ZNF676: variants seen among roughly 807,000 people sequenced by gnomAD.
The protein encoded by ZNF676 is zinc finger protein 676.
ZNF676 carries 4 observed loss-of-function variants against 6.0 expected under a neutral mutation model. The ratio of observed to expected loss-of-function variants is 0.67; its 90% confidence interval spans 0.33 to 1.53. The LOEUF (loss-of-function observed/expected upper bound fraction) is 1.53. Among genes scored for constraint, ZNF676 ranks in the 40% most tolerant of loss-of-function variants. The pLI, the probability that ZNF676 is intolerant of heterozygous loss-of-function variation, is 0.06. For missense variants in ZNF676, 644 were observed against 679.7 expected, an observed-to-expected ratio of 0.95 and a Z score of 0.58; for synonymous variants, 198 against 223.1, an observed-to-expected ratio of 0.89 and a Z score of 1.00.
At chr19:22,209,022 T>G (rs1285587808) in intron 1 of ZNF676, among the ~76,000 whole-genome samples, 1 of 152,112 alleles carries the variant, frequency 6.6e-6, no homozygotes, top group African/African-American at 2.4e-5. Flanking sequence ...TCCCAGCACT[T>G]TGGGAGGCCA....
chr19:22,187,408 A>T (rs1599711647), intron 2 of ZNF676, among the ~76,000 whole-genome samples: 1 of 152,334 alleles, frequency 6.6e-6, no homozygotes, highest in East Asian at 1.9e-4. Flanking sequence ...AATGCCCACA[A>T]GAGAAAGCAG....
At chr19:22,208,689 T>A (rs1471044915) in intron 1 of ZNF676, among the ~76,000 whole-genome samples, 1 of 152,200 alleles carries the variant, frequency 6.6e-6, no homozygotes, top group Non-Finnish European at 1.5e-5. Context: ...CACATGTCTG[T>A]AATCCAGCAC....
intron 1 of ZNF676, among the ~76,000 whole-genome samples, chr19:22,209,053 T>C (rs2024103865): frequency 6.6e-6 from 1 of 152,064 alleles, no homozygotes; most frequent in Non-Finnish European, 1.5e-5. Context: ...TCACCTGAAG[T>C]CAGGAGTTCA....
upstream of ZNF676, among the ~76,000 whole-genome samples, chr19:22,217,602 C>A (rs281192): frequency 9.6e-4 from 141 of 147,552 alleles, 2 homozygotes; most frequent in Non-Finnish European, 1.2e-3. Context: ...TTCTTTTTTC[C>A]TTTTTTTTTT....
At chr19:22,249,587 T>C in the ZNF676 span, among the ~76,000 whole-genome samples, 4 of 152,068 alleles carry the variant, frequency 2.6e-5, no homozygotes, top group Non-Finnish European at 5.9e-5. Flanking sequence ...TAATTTTGTA[T>C]TTTTAGTAGA....
the ZNF676 span, among the ~76,000 whole-genome samples, chr19:22,231,517 G>A: frequency 4.1e-5 from 5 of 122,204 alleles, no homozygotes; most frequent in African/African-American, 1.7e-4. Flanking sequence ...AAGACTGATA[G>A]TGGCAAGATG....
At chr19:22,215,041 A>AAG (rs1487030540) in intron 1 of ZNF676, among the ~76,000 whole-genome samples, 1 of 51,758 alleles carries the variant, frequency 1.9e-5, no homozygotes, top group Non-Finnish European at 3.7e-5. Flanking sequence ...ACTCCATCTC[A>AAG]AAAAAAAAAA....
At chr19:22,185,940 A>G (rs2145794583) in intron 2 of ZNF676, among the ~76,000 whole-genome samples, 1 of 152,182 alleles carries the variant, frequency 6.6e-6, no homozygotes, top group African/African-American at 2.4e-5. Flanking sequence ...GAATGGAACC[A>G]AGTAGGAAAA....
the ZNF676 span, among the ~76,000 whole-genome samples, chr19:22,234,518 G>A: frequency 7.9e-5 from 12 of 152,278 alleles, no homozygotes; most frequent in South Asian, 8.3e-4. Flanking sequence ...AGTTCAGGTC[G>A]CATAGTGACT....
Position 22,180,828 on chromosome 19 carries a change from T to C in ZNF676, c.889A>G (p.Met297Val), listed in dbSNP as rs375958348. Residue 297 changes from methionine (M) to valine (V), a missense_variant, in exon 3 of 3, where the codon ATG becomes GTG. This residue lies in a region of ZNF676 where 28 missense variants were observed against 83.7 expected (regional missense o/e 0.33). Transcript: ENST00000397121. ...GKASNSSSKL[M>V]EHKRIHTGEK... ...CCAGTATGAATTCTCTTATGTTCCATGAGCTTTGAGGACGAGTTGGAAGCT... is the reference window on the plus strand; with the variant it reads ...CCAGTATGAATTCTCTTATGTTCCACGAGCTTTGAGGACGAGTTGGAAGCT... 500 of 1,593,682 alleles carry C rather than the reference T, an allele frequency of 3.1e-4. 1 individual carries two copies. In the African/African-American group the frequency reaches 5.2e-3, roughly 17 times the overall value.
Position 22,179,546 on chromosome 19 carries a change from T to G in ZNF676, c.*404A>C. The G allele has an allele frequency of 2.5e-6, 1 of 396,230 alleles. No homozygotes were observed. The highest frequency in any genetic ancestry group is 5.0e-6 in the Non-Finnish European group (1 of 199,628). 24.5% of individuals were successfully genotyped at this position (396,230 alleles called of 1,614,324 possible). A position where few individuals can be genotyped will look rare whatever the true frequency, so the allele number is the denominator to read the frequency against. ...CTTCACATTTGTAGGGTTTCCCTCCTGTATAAATTCCCTTATGTTCAGTAA... is the reference window on the plus strand; with the variant it reads ...CTTCACATTTGTAGGGTTTCCCTCCGGTATAAATTCCCTTATGTTCAGTAA... On this transcript the variant is annotated 3_prime_UTR_variant, in exon 3 of 3. Transcript: ENST00000397121.
chr19:22,246,481 A>G, the ZNF676 span, among the ~76,000 whole-genome samples: 2 of 152,164 alleles, frequency 1.3e-5, no homozygotes, highest in Non-Finnish European at 2.9e-5. Context: ...GCCCAAAGAT[A>G]TATTTCCCAG....
At position 22,210,765 on chromosome 19, in the gene ZNF676, T is replaced by A. The variant is rs541528918; in HGVS notation, c.3+4867A>T. 9.2e-5 allele frequency among the ~76,000 whole-genome samples: 14 copies of A among 152,328 alleles called. No individual in the cohort carries two copies. The South Asian group carries it at 2.7e-3, about 29-fold the overall frequency. The stretch of plus-strand genomic sequence containing the variant: ...CTGTATTTGTCTTCAGTGGTCAACA[T>A]AAAATACTTCTTAATCAAACTTCAC... On this transcript the variant is annotated intron_variant, in intron 1 of 3. Transcript: ENST00000650058.
At chr19:22,190,569 G>A (rs1219777346) in intron 2 of ZNF676, among the ~76,000 whole-genome samples, 1 of 124,992 alleles carries the variant, frequency 8.0e-6, no homozygotes, top group African/African-American at 2.7e-5. Flanking sequence ...CCAAGCTACA[G>A]AATTAAAACA....
chr19:22,244,933 C>T, the ZNF676 span: 1 of 152,332 alleles, frequency 6.6e-6, no homozygotes, highest in East Asian at 1.9e-4. Context: ...ATGTCACAAT[C>T]CTCTTCTTTG....
chr19:22,187,471 ACAAT>A (rs764016577), intron 2 of ZNF676, among the ~76,000 whole-genome samples: 3 of 151,936 alleles, frequency 2.0e-5, no homozygotes, highest in Non-Finnish European at 4.4e-5. Context: ...CTAGAGAAGA[ACAAT>A]CAAATTCAAA....
Position 22,179,884 on chromosome 19 carries a change from G to T in ZNF676, c.*66C>A. 6.5e-7 allele frequency: 1 copy of T among 1,527,464 alleles called. No individual in the cohort carries two copies. The highest frequency in any genetic ancestry group is 1.1e-5 in the South Asian group (1 of 87,050). The allele number at this position is 1,527,464 out of a possible 1,614,324, so 94.6% of individuals were successfully genotyped here. A position where few individuals can be genotyped will look rare whatever the true frequency, so the allele number is the denominator to read the frequency against. ...TTCACCTTTGTAGATTTTCTCTCCAGTATGAATTTTCTTATGTTTACTAGA... is the reference window on the plus strand; with the variant it reads ...TTCACCTTTGTAGATTTTCTCTCCATTATGAATTTTCTTATGTTTACTAGA... On this transcript the variant is annotated 3_prime_UTR_variant, in exon 3 of 3. Transcript: ENST00000397121.
At chr19:22,190,544 A>C (rs1270188316) in intron 2 of ZNF676, among the ~76,000 whole-genome samples, 1 of 148,616 alleles carries the variant, frequency 6.7e-6, no homozygotes, top group Non-Finnish European at 1.5e-5. Flanking sequence ...AAAGTTCCTG[A>C]TTTCAAAAGA....
intron 1 of ZNF676, among the ~76,000 whole-genome samples, chr19:22,209,337 A>T (rs554449821): frequency 1.3e-5 from 2 of 152,248 alleles, no homozygotes; most frequent in East Asian, 3.9e-4. Context: ...TAAAAAAAAA[A>T]AAAAGAGTAT....
Sources: allele counts gnomAD v4.1 joint callset (sites outside exome capture counted in the v4.1 genomes callset), GRCh38; gene constraint gnomAD v4.1.1; regional missense constraint gnomAD v4.1.1; transcripts MANE v1.5; gene names NCBI Gene and HGNC (gene_info 2026-07-23, HGNC 2026-07-21).